The following GLYR1 variants were observed in gnomAD, a reference collection of about 807,000 sequenced individuals.
GLYR1 encodes the protein cytokine-like nuclear factor N-PAC.
GLYR1 carries 21 observed loss-of-function variants against 72.7 expected under a neutral mutation model. The ratio of observed to expected loss-of-function variants is 0.29; its 90% CI spans 0.20 to 0.42. The LOEUF (loss-of-function observed/expected upper bound fraction) is 0.42. GLYR1 is among the 10% of genes least tolerant of loss of function. GLYR1 has a pLI of 1.00. For missense variants in GLYR1, 594 were observed against 712.1 expected (o/e 0.83, Z 1.89); for synonymous variants, 392 against 270.2 (o/e 1.45, Z -4.42).
At chr16:4,826,693 A>G (rs2084400602) in intron 5 of GLYR1, among the ~76,000 whole-genome samples, 1 of 152,202 alleles carries the variant, frequency 6.6e-6, no homozygotes, top group African/African-American at 2.4e-5. Flanking sequence ...CGTGTACTCC[A>G]TCTGCACTGT....
At chr16:4,845,709 T>G (rs912009764) in intron 2 of GLYR1, among the ~76,000 whole-genome samples, 1 of 152,170 alleles carries the variant, frequency 6.6e-6, no homozygotes, top group Non-Finnish European at 1.5e-5. Flanking sequence ...AAAGCAATGA[T>G]GGATCACCTC....
chr16:4,814,134 T>G (rs2083484152), intron 11 of GLYR1, among the ~76,000 whole-genome samples: 1 of 151,834 alleles, frequency 6.6e-6, no homozygotes, highest in Non-Finnish European at 1.5e-5. Context: ...CTTCTTTGGA[T>G]TTACTTGGAT....
rs568137109 is a variant in GLYR1 at position 4,845,260 on chromosome 16, A to T, written c.76-107T>A. ...TACGTTGCTAAGAAAAAAGTAAATT[A>T]AAAGGACTTACTTACAAATAAATTT... is the stretch of plus-strand genomic sequence containing the variant. On this transcript the variant is annotated intron_variant, in intron 2 of 15. Coordinates refer to ENST00000321919, the MANE Select transcript of GLYR1 (RefSeq NM_032569.4). 156 of 723,108 alleles carry T rather than the reference A, an allele frequency of 2.2e-4. 2 individuals are homozygous for T. The South Asian group carries it at 2.2e-3, about 10-fold the overall frequency. The allele number at this position is 723,108 out of a possible 1,614,324, so 44.8% of individuals were successfully genotyped here.
intron 3 of GLYR1, among the ~76,000 whole-genome samples, chr16:4,843,139 A>T (rs2085686910): frequency 6.6e-6 from 1 of 152,144 alleles, no homozygotes; most frequent in Admixed American, 6.5e-5. Flanking sequence ...CATAACACTG[A>T]TGTTATGCAT....
chr16:4,812,892 G>C (rs1398646785), intron 12 of GLYR1, among the ~76,000 whole-genome samples: 2 of 151,560 alleles, frequency 1.3e-5, no homozygotes, highest in African/African-American at 4.9e-5. Flanking sequence ...TGCCTCCCGG[G>C]TTCATGCCAT....
intron 3 of GLYR1, among the ~76,000 whole-genome samples, chr16:4,842,238 C>T (rs1267057500): frequency 3.4e-5 from 5 of 147,994 alleles, no homozygotes; most frequent in African/African-American, 7.5e-5. Flanking sequence ...AGCGAGACTC[C>T]GTTTCAAAAA....
intron 2 of GLYR1, among the ~76,000 whole-genome samples, chr16:4,845,531 G>GA (rs1404966199): frequency 6.6e-6 from 1 of 150,630 alleles, no homozygotes; most frequent in African/African-American, 2.5e-5. Context: ...CATTATTACT[G>GA]AAAAAATGCA....
At chr16:4,835,872 A>G (rs1405927246) in intron 3 of GLYR1, among the ~76,000 whole-genome samples, 2 of 152,196 alleles carry the variant, frequency 1.3e-5, no homozygotes, top group East Asian at 1.9e-4. Context: ...CCAGAGCTCT[A>G]TGGGGATTAC....
intron 15 of GLYR1, among the ~76,000 whole-genome samples, chr16:4,806,570 G>A (rs1467015878): frequency 6.6e-6 from 1 of 151,096 alleles, no homozygotes; most frequent in South Asian, 2.1e-4. Flanking sequence ...GTCTTGCTAT[G>A]TTGCCCAGGC....
chr16:4,815,111 G>C (rs2083556325), intron 10 of GLYR1, among the ~76,000 whole-genome samples: 1 of 151,336 alleles, frequency 6.6e-6, no homozygotes, highest in Admixed American at 6.6e-5. Context: ...TACCATTTTG[G>C]CTTTTTTTTT....
chr16:4,834,670 T>C (rs952512647), intron 3 of GLYR1, among the ~76,000 whole-genome samples: 1 of 152,174 alleles, frequency 6.6e-6, no homozygotes, highest in African/African-American at 2.4e-5. Context: ...TTCCCTGTGT[T>C]GGCCAGGCTG....
chr16:4,811,603 AG>A lies in GLYR1; in HGVS notation c.1462+19del, dbSNP rs1434767376. On this transcript the variant is annotated intron_variant, in intron 14 of 15. Transcript: ENST00000321919. ...CTAATCAAACACCAAATGCAAGAAG[AG>A]GGGCCAAAAACAACTCACTTTGGCA... is the stretch of plus-strand genomic sequence containing the variant. The A allele has an allele frequency of 6.2e-7, 1 of 1,612,658 alleles. No homozygotes were observed. Among genetic ancestry groups the A allele is most frequent in the Non-Finnish European group, 8.5e-7 (1 of 1,179,914 alleles).
intron 3 of GLYR1, chr16:4,843,551 C>T: frequency 1.6e-6 from 2 of 1,289,058 alleles, no homozygotes; most frequent in Non-Finnish European, 2.0e-6. Context: ...TGAAATACTG[C>T]CACCACAGGC....
rs2082901063 is a variant in GLYR1 at position 4,805,250 on chromosome 16, C to A, written c.1648G>T (p.Ala550Ser). Residue 550 changes from alanine (A) to serine (S), a missense_variant, in exon 16 of 16, where the codon GCC becomes TCC. Physicochemically the swap from Ala to Ser is moderately conservative, Grantham distance 99. Transcript: ENST00000321919. Reference sequence around the variant, plus strand: ...GTGTCGACAGCTTAGTGTATGTAGGCTCGGTACACGGCGGACATATCGTTG... The same window carrying A: ...GTGTCGACAGCTTAGTGTATGTAGGATCGGTACACGGCGGACATATCGTTG... ...SDNDMSAVYR[A>S]YIH The A allele has an allele frequency of 6.2e-7, 1 of 1,613,922 alleles. No individual in the cohort carries two copies. Among genetic ancestry groups the A allele is most frequent in the South Asian group, 1.1e-5 (1 of 91,028 alleles).
intron 3 of GLYR1, among the ~76,000 whole-genome samples, chr16:4,837,373 G>A (rs1041631402): frequency 6.6e-6 from 1 of 151,856 alleles, no homozygotes; most frequent in Admixed American, 6.6e-5. Flanking sequence ...GGAGGTTGTA[G>A]TGAGTGCAGA....
chr16:4,825,294 C>T (rs2084307336), intron 5 of GLYR1, among the ~76,000 whole-genome samples: 1 of 152,190 alleles, frequency 6.6e-6, no homozygotes. Context: ...AACCTCAAGT[C>T]CTATTTCTTC....
intron 3 of GLYR1, among the ~76,000 whole-genome samples, chr16:4,837,932 AAAAT>A (rs59357306): frequency 0.21 from 30,044 of 142,280 alleles, 3,380 homozygotes; most frequent in Admixed American, 0.33. Flanking sequence ...TCCATCTCAA[AAAAT>A]AAATAAATAA....
chr16:4,824,512 A>AG (rs1555500682), intron 5 of GLYR1, among the ~76,000 whole-genome samples: 3 of 151,446 alleles, frequency 2.0e-5, no homozygotes, highest in Admixed American at 6.6e-5. Context: ...AAAAAAAAAA[A>AG]AAAGAAAAAA....
chr16:4,820,632 A>G (rs1001157), intron 9 of GLYR1, among the ~76,000 whole-genome samples: 1 of 152,260 alleles, frequency 6.6e-6, no homozygotes, highest in Non-Finnish European at 1.5e-5. Flanking sequence ...CAGTACAAAA[A>G]TATCATGTAA....
Sources: allele counts gnomAD v4.1 joint callset (sites outside exome capture counted in the v4.1 genomes callset), GRCh38; gene constraint gnomAD v4.1.1; transcripts MANE v1.5; gene names NCBI Gene and HGNC (gene_info 2026-07-23, HGNC 2026-07-21).